The following ADD3 variants were observed in gnomAD, a reference collection of about 807,000 sequenced individuals.
ADD3 encodes gamma-adducin.
ADD3 carries 25 observed loss-of-function variants against 80.2 expected under a neutral mutation model. The ratio of observed to expected loss-of-function variants is 0.31; its 90% confidence interval spans 0.23 to 0.44. ADD3 has a LOEUF of 0.44. ADD3 is among the 20% of genes least tolerant of loss of function. The probability of loss-of-function intolerance (pLI) is 1.00; values close to 1 mark genes in which losing one functional copy is unlikely to be tolerated. For synonymous variants in ADD3, 284 were observed against 289.6 expected (o/e 0.98, Z 0.20); for missense variants, 829 against 847.5 (o/e 0.98, Z 0.27).
intron 1 of ADD3, among the ~76,000 whole-genome samples, chr10:110,017,083 A>C (rs1415448086): frequency 1.3e-5 from 2 of 152,218 alleles, no homozygotes; most frequent in African/African-American, 2.4e-5. Flanking sequence ...AAATTATCCA[A>C]AGTTTAGTGA....
intron 1 of ADD3, among the ~76,000 whole-genome samples, chr10:110,026,523 G>A (rs900391003): frequency 6.6e-6 from 1 of 151,864 alleles, no homozygotes; most frequent in Non-Finnish European, 1.5e-5. Context: ...CAGGTGATCC[G>A]CCCACCTCGG....
At chr10:110,044,824 T>C (rs1377386452) in intron 1 of ADD3, among the ~76,000 whole-genome samples, 2 of 152,212 alleles carry the variant, frequency 1.3e-5, no homozygotes, top group African/African-American at 2.4e-5. Context: ...CAAATGCTGT[T>C]TCTAAAAGTG....
intron 5 of ADD3, among the ~76,000 whole-genome samples, chr10:110,117,700 T>C (rs1850921063): frequency 1.3e-5 from 2 of 151,580 alleles, no homozygotes; most frequent in African/African-American, 4.9e-5. Flanking sequence ...ACTCAGAAAT[T>C]TGTGTAAAAA....
At chr10:110,002,586 C>A (rs1277732033), upstream of ADD3, among the ~76,000 whole-genome samples, 1 of 152,062 alleles carries the variant, frequency 6.6e-6, no homozygotes, top group Non-Finnish European at 1.5e-5. Context: ...AAACTAGTGA[C>A]CCTTAAGTTG....
At position 110,132,293 on chromosome 10, in the gene ADD3, C is replaced by T; in HGVS notation, c.1733-12C>T. 3 of 1,602,034 alleles carry T rather than the reference C, an allele frequency of 1.9e-6. No homozygotes were observed. In the South Asian group the frequency reaches 3.3e-5, roughly 18 times the overall value. ...GTTTTGCATGGCTTTTAACTAAACT[C>T]TTATCCAACAGATGCTGAGCAGGAA... On this transcript the variant is annotated splice_polypyrimidine_tract_variant and intron_variant, in intron 13 of 14. Transcript: ENST00000356080.
At chr10:110,032,930 GTTAAA>G (rs556065964) in intron 1 of ADD3, among the ~76,000 whole-genome samples, 9 of 152,200 alleles carry the variant, frequency 5.9e-5, no homozygotes, top group East Asian at 1.9e-4. Flanking sequence ...AGAAGTTAGA[GTTAAA>G]TTAAATAGCC....
intron 2 of ADD3, among the ~76,000 whole-genome samples, chr10:110,109,520 A>T (rs1160950699): frequency 6.6e-6 from 1 of 152,230 alleles, no homozygotes; most frequent in Non-Finnish European, 1.5e-5. Context: ...AATAAAATAG[A>T]TAATGCCTAC....
intron 12 of ADD3, among the ~76,000 whole-genome samples, chr10:110,129,694 T>C (rs1852688006): frequency 6.6e-6 from 1 of 152,256 alleles, no homozygotes; most frequent in Non-Finnish European, 1.5e-5. Context: ...TTTTCAGGAC[T>C]GAGGCTTCAA....
chr10:110,000,702 CAGAA>C (rs1294318230), intron 1 of ADD3, among the ~76,000 whole-genome samples: 1 of 152,200 alleles, frequency 6.6e-6, no homozygotes, highest in African/African-American at 2.4e-5. Context: ...GCTCTGGAGT[CAGAA>C]AGCCTGGATT....
chr10:110,095,274 A>C (rs1848014729), intron 1 of ADD3, among the ~76,000 whole-genome samples: 1 of 152,344 alleles, frequency 6.6e-6, no homozygotes, highest in Non-Finnish European at 1.5e-5. Flanking sequence ...TATACAATTC[A>C]GTGGTTTTTA....
At chr10:110,110,901 A>G (rs1400222060) in intron 2 of ADD3, among the ~76,000 whole-genome samples, 1 of 152,230 alleles carries the variant, frequency 6.6e-6, no homozygotes, top group East Asian at 1.9e-4. Context: ...AGGCTGAGAT[A>G]AGAGAATCAC....
chr10:110,003,780 G>A (rs377625498), upstream of ADD3, among the ~76,000 whole-genome samples: 1 of 152,146 alleles, frequency 6.6e-6, no homozygotes, highest in Non-Finnish European at 1.5e-5. Flanking sequence ...TTTAATTGGA[G>A]AATACAAATC....
chr10:110,091,376 G>GTT (rs536306080), intron 1 of ADD3, among the ~76,000 whole-genome samples: 136 of 152,204 alleles, frequency 8.9e-4, no homozygotes, highest in Non-Finnish European at 1.4e-3. Flanking sequence ...TTAAACCTCA[G>GTT]TTTTTATACT....
intron 1 of ADD3, among the ~76,000 whole-genome samples, chr10:110,093,390 G>T (rs1300042949): frequency 6.6e-6 from 1 of 151,994 alleles, no homozygotes; most frequent in African/African-American, 2.4e-5. Context: ...TTTTTCTGAG[G>T]TTTGTTTTGT....
rs992366825 is a variant in ADD3, at chr10:110,082,018, C to G, written c.-29-18607C>G. On this transcript the variant is annotated intron_variant, in intron 1 of 14. Transcript: ENST00000356080. ...GAAGGGGAAGTCTCATTACCCTGGT[C>G]TGTTACGCAGTCCCAGAAGGCACTG... 1.2e-4 allele frequency among the ~76,000 whole-genome samples: 19 copies of G among 152,202 alleles called. 1 individual carries two copies. The highest frequency in any genetic ancestry group is 4.6e-4 in the African/African-American group (19 of 41,438).
At chr10:110,127,578 C>T (rs1169255305) in intron 12 of ADD3, among the ~76,000 whole-genome samples, 1 of 152,250 alleles carries the variant, frequency 6.6e-6, no homozygotes, top group Non-Finnish European at 1.5e-5. Context: ...GATCATGCCA[C>T]TGTACTCCAG....
chr10:110,124,056 C>G lies in ADD3; in HGVS notation c.1183C>G (p.Arg395Gly), dbSNP rs1417018729. 6.8e-6 allele frequency: 11 copies of G among 1,613,886 alleles called. No homozygotes were observed. The Admixed American group carries it at 1.2e-4, about 17-fold the overall frequency. Residue 395 changes from arginine (R) to glycine (G), a missense_variant, in exon 10 of 15, where the codon CGA becomes GGA. Physicochemically the swap from Arg to Gly is moderately radical, Grantham distance 125. Coordinates refer to ENST00000356080, the MANE Select transcript of ADD3 (RefSeq NM_016824.5). ...CTATGCTTACAGGCATCCTCTCATT[C>G]GAGAGAAGCCTAGGCACAAGAGTGA... ...TGYAYRHPLI[R>G]EKPRHKSDVE...
intron 1 of ADD3, among the ~76,000 whole-genome samples, chr10:110,047,176 T>C (rs1197405698): frequency 6.6e-6 from 1 of 152,212 alleles, no homozygotes; most frequent in African/African-American, 2.4e-5. Flanking sequence ...CATTTACCTT[T>C]AGGGCAGTTG....
chr10:110,123,865 C>T (rs1449322785), intron 9 of ADD3, 152 bp from the exon 10 acceptor site: 2 of 735,628 alleles, frequency 2.7e-6, no homozygotes, highest in East Asian at 2.6e-5. Flanking sequence ...TCCAGTGTTA[C>T]ATGAAAGTTA....
Sources: gnomAD v4.1 joint callset for allele counts (sites outside exome capture counted in the v4.1 genomes callset) on GRCh38, gnomAD v4.1.1 for gene constraint, MANE v1.5 for transcripts, NCBI Gene and HGNC (gene_info 2026-07-23, HGNC 2026-07-21) for gene names.